PI4KB: variants seen among roughly 807,000 people sequenced by gnomAD.
The protein encoded by PI4KB is PtdIns 4-kinase beta.
A neutral mutation model predicts 81.4 loss-of-function variants in PI4KB; 23 were observed. The observed-to-expected ratio is 0.28, with a 90% CI of 0.20 to 0.40. The LOEUF (loss-of-function observed/expected upper bound fraction) is 0.40. PI4KB is among the 10% of genes least tolerant of loss of function. The pLI, the probability that PI4KB is intolerant of heterozygous loss-of-function variation, is 1.00. For missense variants in PI4KB, 651 were observed against 1,036.6 expected (o/e 0.63, Z 5.11); for synonymous variants, 381 against 406.8 (o/e 0.94, Z 0.76).
At chr1:151,321,675 C>T (rs1648860671) in intron 1 of PI4KB, among the ~76,000 whole-genome samples, 1 of 151,756 alleles carries the variant, frequency 6.6e-6, no homozygotes, top group African/African-American at 2.4e-5. Flanking sequence ...AGATGGAGAC[C>T]ATCCTGGCTA....
At position 151,302,276 on chromosome 1, in the gene PI4KB, C is replaced by T; in HGVS notation, c.1543G>A (p.Ala515Thr). Residue 515 changes from alanine to threonine, a missense_variant, in exon 7 of 12, where the codon GCT becomes ACT. By Grantham distance (58) the Ala-to-Thr change is moderately conservative. This residue lies in a region of PI4KB where 246 missense variants were observed against 430.1 expected (regional missense o/e 0.57). Transcript: ENST00000368873. Reference sequence around the variant, plus strand: ...CGTTTGAAGGCTGTCGGGGTATGAGCCAGCTGTTCCGAAAGGCGCCGGCTG... The same window carrying T: ...CGTTTGAAGGCTGTCGGGGTATGAGTCAGCTGTTCCGAAAGGCGCCGGCTG... ...DIRRRLSEQL[A>T]HTPTAFKRDP... 1.2e-6 allele frequency: 2 copies of T among 1,614,068 alleles called. No individual in the cohort carries two copies. Among genetic ancestry groups the T allele is most frequent in the Non-Finnish European group, 1.7e-6 (2 of 1,179,960 alleles).
chr1:151,326,178 A>T (rs1171444866), intron 1 of PI4KB: 1 of 1,610,034 alleles, frequency 6.2e-7, no homozygotes, highest in Non-Finnish European at 8.5e-7. Flanking sequence ...TCACAATCTC[A>T]TTCAATTTCC....
chr1:151,292,772 C>A lies in PI4KB; in HGVS notation c.*80G>T. 7.5e-7 allele frequency: 1 copy of A among 1,327,138 alleles called. No individual in the cohort carries two copies. The highest frequency in any genetic ancestry group is 1.0e-6 in the Non-Finnish European group (1 of 961,272). 82.2% of individuals were successfully genotyped at this position (1,327,138 alleles called of 1,614,324 possible). ...GTGGATGGTTGGGTAGGTGGGGTTT[C>A]CTGGTTTGGGGTTTCTCAGACAAGG... On this transcript the variant is annotated 3_prime_UTR_variant, in exon 12 of 12. Coordinates refer to ENST00000368873, the MANE Select transcript of PI4KB (RefSeq NM_001369623.2).
rs181351978 is a variant in PI4KB at position 151,297,489 on chromosome 1, C to T, written c.2015+1319G>A. ...CCGAGTAGCTGGGATTACAGGTGTG[C>T]ATCACCAAGCCCAGCTAATGTATGT... is the stretch of plus-strand genomic sequence containing the variant. On this transcript the variant is annotated intron_variant, in intron 9 of 11. Transcript: ENST00000368873. 1.3e-3 allele frequency among the ~76,000 whole-genome samples: 193 copies of T among 151,566 alleles called. 2 individuals are homozygous for T. The East Asian group carries it at 0.029, about 23-fold the overall frequency.
At position 151,307,819 on chromosome 1, in the gene PI4KB, A is replaced by G; in HGVS notation, c.955-18T>C. ...CGAACAGGCTACAGGGGTTTGGGGT[A>G]AGACAAAAGATGGTGAAGAAACCAT... On this transcript the variant is annotated intron_variant, in intron 3 of 11. Transcript: ENST00000368873. The G allele has an allele frequency of 6.4e-7, 1 of 1,569,902 alleles. No homozygotes were observed. The highest frequency in any genetic ancestry group is 8.8e-7 in the Non-Finnish European group (1 of 1,139,674).
chr1:151,296,750 G>A (rs1357854375), intron 9 of PI4KB, among the ~76,000 whole-genome samples: 6 of 151,526 alleles, frequency 4.0e-5, no homozygotes, highest in East Asian at 1.9e-4. Context: ...GATTACAGGC[G>A]TGAGCCACCA....
At chr1:151,293,849 A>T in intron 11 of PI4KB, 169 bp downstream of exon 11, 1 of 680,124 alleles carries the variant, frequency 1.5e-6, no homozygotes, top group Non-Finnish European at 2.4e-6. Context: ...TACCAGGGTC[A>T]GGAGGAATGT....
intron 1 of PI4KB, among the ~76,000 whole-genome samples, chr1:151,325,818 AT>A (rs1438963235): frequency 6.6e-6 from 1 of 152,038 alleles, no homozygotes; most frequent in Non-Finnish European, 1.5e-5. Context: ...ACCAAATCTG[AT>A]TTTTTCCCCC....
chr1:151,302,009 G>A (rs1262758569), intron 7 of PI4KB, 42 bp from the exon 8 acceptor site: 1 of 1,611,720 alleles, frequency 6.2e-7, no homozygotes, highest in African/African-American at 1.3e-5. Flanking sequence ...TTGATGCCAG[G>A]GTGAGGACAA....
chr1:151,302,251 C>T lies in PI4KB; in HGVS notation c.1568G>A (p.Arg523Gln), dbSNP rs764322175. The T allele has an allele frequency of 1.9e-6, 3 of 1,614,158 alleles. No homozygotes were observed. The highest frequency in any genetic ancestry group is 2.2e-5 in the South Asian group (2 of 91,084). ...AACTGCAGAAGGATCTTCTGGGTCT[C>T]GTTTGAAGGCTGTCGGGGTATGAGC... ...QLAHTPTAFK[R>Q]DPEDPSAVAL... The change falls in exon 7 of 12, where the codon CGA becomes CAA. Residue 523 changes from arginine (R) to glutamine (Q), a missense_variant. Arg to Gln is a conservative substitution (Grantham distance 43). Coordinates refer to ENST00000368873, the MANE Select transcript of PI4KB (RefSeq NM_001369623.2).
At chr1:151,319,710 G>A (rs1222731672) in intron 1 of PI4KB, among the ~76,000 whole-genome samples, 2 of 152,152 alleles carry the variant, frequency 1.3e-5, no homozygotes, top group African/African-American at 4.8e-5. Flanking sequence ...GTGCAGAACT[G>A]GGGAAATTTC....
chr1:151,309,384 G>C (rs1325853873), intron 3 of PI4KB, among the ~76,000 whole-genome samples: 3 of 152,156 alleles, frequency 2.0e-5, no homozygotes, highest in Non-Finnish European at 4.4e-5. Context: ...GGCCTCAAGA[G>C]AGAGGCTCTG....
intron 7 of PI4KB, 51 bp downstream of exon 7, chr1:151,302,143 A>C (rs1213741165): frequency 1.3e-6 from 2 of 1,542,780 alleles, no homozygotes; most frequent in Middle Eastern, 1.7e-4. Context: ...GTGAGCACTT[A>C]CAACTGCCTC....
At chr1:151,302,689 T>G (rs587745742) in intron 6 of PI4KB, among the ~76,000 whole-genome samples, 188 of 150,670 alleles carry the variant, frequency 1.2e-3, no homozygotes, top group Middle Eastern at 3.4e-3. Context: ...GCCATTCTCC[T>G]GCCTCAGCCT....
intron 9 of PI4KB, among the ~76,000 whole-genome samples, chr1:151,295,690 G>A (rs924472140): frequency 6.6e-6 from 1 of 152,138 alleles, no homozygotes; most frequent in Non-Finnish European, 1.5e-5. Context: ...TTCATGGCTC[G>A]ACTATATCTA....
intron 9 of PI4KB, among the ~76,000 whole-genome samples, chr1:151,297,670 G>T (rs1377717032): frequency 6.6e-6 from 1 of 151,870 alleles, no homozygotes; most frequent in African/African-American, 2.4e-5. Context: ...CCAAATAGCT[G>T]GGATTAGGCG....
intron 1 of PI4KB, among the ~76,000 whole-genome samples, chr1:151,318,414 T>TC (rs1648318052): frequency 9.2e-6 from 1 of 108,644 alleles, no homozygotes; most frequent in Non-Finnish European, 1.8e-5. Flanking sequence ...AGACTCTGTC[T>TC]CAAAAAAAAA....
chr1:151,317,511 G>A (rs1226600932), intron 1 of PI4KB, among the ~76,000 whole-genome samples: 1 of 151,590 alleles, frequency 6.6e-6, no homozygotes, highest in Non-Finnish European at 1.5e-5. Context: ...TAGAGACAAG[G>A]TCTCACCATG....
intron 9 of PI4KB, among the ~76,000 whole-genome samples, chr1:151,296,360 A>G (rs950817615): frequency 6.6e-6 from 1 of 152,044 alleles, no homozygotes; most frequent in Non-Finnish European, 1.5e-5. Flanking sequence ...CACAGGGTCT[A>G]AAAGCTACCT....
Sources: allele counts gnomAD v4.1 joint callset (sites outside exome capture counted in the v4.1 genomes callset), GRCh38; gene constraint gnomAD v4.1.1; regional missense constraint gnomAD v4.1.1; transcripts MANE v1.5; gene names NCBI Gene and HGNC (gene_info 2026-07-23, HGNC 2026-07-21).